The following RFTN1 variants were observed in gnomAD, a reference collection of about 807,000 sequenced individuals.
The protein encoded by RFTN1 is raftlin.
Under a neutral mutation model 46.5 loss-of-function variants are expected in RFTN1, and 26 were observed. The ratio of observed to expected loss-of-function variants is 0.56; its 90% confidence interval spans 0.41 to 0.78. The LOEUF is 0.78. Among genes scored for constraint, RFTN1 ranks in the 30% least tolerant of loss-of-function variants. The probability of loss-of-function intolerance (pLI) is 0.00; values close to 1 mark genes in which losing one functional copy is unlikely to be tolerated. For synonymous variants in RFTN1, 261 were observed against 284.2 expected (o/e 0.92, Z 0.82); for missense variants, 693 against 718.7 (o/e 0.96, Z 0.41).
intron 2 of RFTN1, among the ~76,000 whole-genome samples, chr3:16,469,286 C>T (rs931844772): frequency 5.3e-5 from 8 of 152,176 alleles, no homozygotes; most frequent in Admixed American, 1.3e-4. Context: ...TGAAGGACTT[C>T]GAAGCGTGAC....
intron 2 of RFTN1, among the ~76,000 whole-genome samples, chr3:16,471,450 C>A (rs990697032): frequency 6.6e-6 from 1 of 152,144 alleles, no homozygotes; most frequent in Non-Finnish European, 1.5e-5. Flanking sequence ...ATGGTCCCTG[C>A]CTCTCAGGAT....
At chr3:16,497,894 T>C (rs769607516) in intron 1 of RFTN1, among the ~76,000 whole-genome samples, 3 of 152,200 alleles carry the variant, frequency 2.0e-5, no homozygotes, top group Non-Finnish European at 4.4e-5. Context: ...GGTTCCCTGA[T>C]AGCAGAAAGG....
At chr3:16,393,074 ACAAAAAAT>A (rs2074387681) in intron 4 of RFTN1, among the ~76,000 whole-genome samples, 1 of 151,448 alleles carries the variant, frequency 6.6e-6, no homozygotes, top group Admixed American at 6.6e-5. Flanking sequence ...AAACAAACAA[ACAAAAAAT>A]GACAAGAAAC....
intron 6 of RFTN1, among the ~76,000 whole-genome samples, chr3:16,367,455 G>C (rs998666937): frequency 6.6e-6 from 1 of 152,158 alleles, no homozygotes; most frequent in African/African-American, 2.4e-5. Flanking sequence ...AGTCAGAGTG[G>C]GTTTCAATTC....
At chr3:16,372,480 A>T (rs995127702) in intron 5 of RFTN1, among the ~76,000 whole-genome samples, 1 of 152,182 alleles carries the variant, frequency 6.6e-6, no homozygotes, top group Non-Finnish European at 1.5e-5. Context: ...GGGCCATAGC[A>T]CCACTCGCTA....
intron 7 of RFTN1, chr3:16,349,559 A>G (rs888518640): frequency 1.3e-5 from 2 of 152,276 alleles, no homozygotes; most frequent in African/African-American, 4.8e-5. Context: ...ACGTATACAC[A>G]TACGCCATTT....
At chr3:16,486,982 C>T (rs920249227) in intron 2 of RFTN1, among the ~76,000 whole-genome samples, 3 of 152,208 alleles carry the variant, frequency 2.0e-5, no homozygotes, top group Non-Finnish European at 4.4e-5. Context: ...CCCCAACCCC[C>T]GTCTTCCCTC....
At position 16,404,298 on chromosome 3, in the gene RFTN1, A is replaced by T. The variant is rs1373515634; in HGVS notation, c.441+5077T>A. ...ATAATATGTAATATATAATATATAT[A>T]ATATGTAATATATATTATATATAAT... On this transcript the variant is annotated intron_variant, in intron 4 of 9. Coordinates refer to ENST00000334133, the MANE Select transcript of RFTN1 (RefSeq NM_015150.2). Among the ~76,000 whole-genome samples, 7 of 16,958 alleles carry T rather than the reference A, an allele frequency of 4.1e-4. 2 individuals are homozygous for T. The highest frequency in any genetic ancestry group is 2.2e-3 in the African/African-American group (6 of 2,768). 11.1% of individuals were successfully genotyped at this position (16,958 alleles called of 152,430 possible). A position where few individuals can be genotyped will look rare whatever the true frequency, so the allele number is the denominator to read the frequency against.
chr3:16,372,350 A>C (rs141601198), intron 5 of RFTN1, among the ~76,000 whole-genome samples: 1 of 152,278 alleles, frequency 6.6e-6, no homozygotes, highest in African/African-American at 2.4e-5. Flanking sequence ...TTATCCCCAT[A>C]AATTGAAGGT....
intron 6 of RFTN1, among the ~76,000 whole-genome samples, chr3:16,366,616 AC>A (rs1281807252): frequency 2.0e-5 from 3 of 150,356 alleles, no homozygotes; most frequent in Admixed American, 6.6e-5. Context: ...TTGTCTGCCT[AC>A]CCCCTTCTTT....
At chr3:16,444,880 T>C (rs1373358067) in intron 2 of RFTN1, among the ~76,000 whole-genome samples, 1 of 152,224 alleles carries the variant, frequency 6.6e-6, no homozygotes, top group East Asian at 1.9e-4. Context: ...GTCATCATCT[T>C]ATTTGTTGTT....
At chr3:16,470,505 TG>T in intron 2 of RFTN1, among the ~76,000 whole-genome samples, 1 of 152,178 alleles carries the variant, frequency 6.6e-6, no homozygotes, top group Non-Finnish European at 1.5e-5. Flanking sequence ...CTACTTCAGC[TG>T]GTAGAATATG....
In RFTN1 at chr3:16,400,581, C is replaced by A. The variant is rs534090232; in HGVS notation, c.441+8794G>T. On this transcript the variant is annotated intron_variant, in intron 4 of 9. Coordinates refer to ENST00000334133, the MANE Select transcript of RFTN1 (RefSeq NM_015150.2). The surrounding 1 kb of genome is among the most constrained non-coding windows in gnomAD (Gnocchi z 4.5). The stretch of plus-strand genomic sequence containing the variant: ...AAAGATCTGTTCAAAGAAATGTGAA[C>A]GAAACCTGACCCACTGATGCTGGAC... 1.3e-5 allele frequency among the ~76,000 whole-genome samples: 2 copies of A among 152,208 alleles called. No individual in the cohort carries two copies. The highest frequency in any genetic ancestry group is 4.8e-5 in the African/African-American group (2 of 41,436).
Position 16,344,793 on chromosome 3 carries a change from GT to G in RFTN1, c.1146+13138del, listed in dbSNP as rs1316810150. On this transcript the variant is annotated intron_variant, in intron 7 of 9. Coordinates refer to ENST00000334133, the MANE Select transcript of RFTN1 (RefSeq NM_015150.2). The surrounding 1 kb of genome is among the most constrained non-coding windows in gnomAD (Gnocchi z 4.4). ...ATAGGCCCTTCCTTTTTATTTAGTTGTATTAAAAGCCTTGGCCAGGTGAATT... is the reference window on the plus strand; with the variant it reads ...ATAGGCCCTTCCTTTTTATTTAGTTGATTAAAAGCCTTGGCCAGGTGAATT... Among the ~76,000 whole-genome samples the G allele has an allele frequency of 6.6e-6, 1 of 152,166 alleles. No homozygotes were observed. The highest frequency in any genetic ancestry group is 1.5e-5 in the Non-Finnish European group (1 of 68,038).
intron 3 of RFTN1, among the ~76,000 whole-genome samples, chr3:16,423,069 G>A (rs1399027945): frequency 6.6e-6 from 1 of 152,030 alleles, no homozygotes; most frequent in Non-Finnish European, 1.5e-5. Flanking sequence ...TTGGGAGGCT[G>A]AGGCAGGAGA....
chr3:16,411,938 A>G (rs747667882), intron 3 of RFTN1, among the ~76,000 whole-genome samples: 10 of 152,226 alleles, frequency 6.6e-5, no homozygotes, highest in Non-Finnish European at 1.3e-4. Context: ...TTGGTCTGTA[A>G]GCAACTCACA....
intron 2 of RFTN1, among the ~76,000 whole-genome samples, chr3:16,488,165 C>T (rs1000744910): frequency 1.3e-4 from 20 of 148,426 alleles, no homozygotes; most frequent in Admixed American, 5.4e-4. Context: ...TGCAATGGTG[C>T]GATCTCAGCT....
Position 16,335,846 on chromosome 3 carries a change from C to T in RFTN1, c.1147-8970G>A, listed in dbSNP as rs1449440452. Among the ~76,000 whole-genome samples, 1 of 151,700 alleles carries T rather than the reference C, an allele frequency of 6.6e-6. No homozygotes were observed. The highest frequency in any genetic ancestry group is 1.5e-5 in the Non-Finnish European group (1 of 67,998). ...CTCAAGAGGGCAAGTCACAAGGAGC[C>T]TGGAAACTGGATGGATGGATGGTGA... On this transcript the variant is annotated intron_variant, in intron 7 of 9. Coordinates refer to ENST00000334133, the MANE Select transcript of RFTN1 (RefSeq NM_015150.2). This position sits in a 1 kb window ranked among gnomAD's most constrained non-coding sequence, Gnocchi z 4.7.
chr3:16,403,196 C>G (rs1393804203), intron 4 of RFTN1, among the ~76,000 whole-genome samples: 1 of 152,146 alleles, frequency 6.6e-6, no homozygotes, highest in Non-Finnish European at 1.5e-5. Context: ...CTGGCTCTGA[C>G]AGCCTCCACC....
Sources: allele counts gnomAD v4.1 joint callset (sites outside exome capture counted in the v4.1 genomes callset), GRCh38; gene constraint gnomAD v4.1.1; non-coding constraint Gnocchi (gnomAD v3.1); transcripts MANE v1.5; gene names NCBI Gene and HGNC (gene_info 2026-07-23, HGNC 2026-07-21).